The following CDYL variants were observed in gnomAD, a reference collection of about 807,000 sequenced individuals.
The protein encoded by CDYL is chromodomain Y like, also known as chromodomain Y-like protein.
Under a neutral mutation model 47.3 loss-of-function variants are expected in CDYL, and 8 were observed. The ratio of observed to expected loss-of-function variants is 0.17; its 90% CI spans 0.10 to 0.31. CDYL has a LOEUF of 0.31. CDYL is among the 10% of genes least tolerant of loss of function. CDYL has a pLI of 1.00. For synonymous variants in CDYL, 266 were observed against 265.0 expected, an observed-to-expected ratio of 1.00 and a Z score of -0.04; for missense variants, 471 against 701.4, an observed-to-expected ratio of 0.67 and a Z score of 3.71.
chr6:4,950,434 A>T (rs1318429424), intron 5 of CDYL, among the ~76,000 whole-genome samples: 4 of 152,146 alleles, frequency 2.6e-5, no homozygotes, highest in African/African-American at 7.2e-5. Flanking sequence ...ATGAAAGGAA[A>T]ACCCCGACAG....
At chr6:4,858,747 CTG>C (rs1198181033) in intron 1 of CDYL, among the ~76,000 whole-genome samples, 2 of 152,208 alleles carry the variant, frequency 1.3e-5, no homozygotes, top group African/African-American at 4.8e-5. Context: ...GACTATTAGA[CTG>C]TGTGAGTTTG....
At chr6:4,834,329 A>G (rs1475983981) in intron 1 of CDYL, among the ~76,000 whole-genome samples, 4 of 148,938 alleles carry the variant, frequency 2.7e-5, no homozygotes, top group Non-Finnish European at 6.0e-5. Flanking sequence ...TCCTTCACTT[A>G]TGAAGCTTAG....
intron 1 of CDYL, among the ~76,000 whole-genome samples, chr6:4,849,392 A>C (rs972916857): frequency 1.1e-4 from 16 of 152,222 alleles, no homozygotes; most frequent in Middle Eastern, 3.2e-3. Context: ...ATTATCTGAC[A>C]AATGCAAGTG....
chr6:4,831,345 C>T (rs1470286033), intron 1 of CDYL, among the ~76,000 whole-genome samples: 1 of 152,102 alleles, frequency 6.6e-6, no homozygotes, highest in Non-Finnish European at 1.5e-5. Context: ...AATCCTTTCC[C>T]CATTGCTTGT....
chr6:4,895,782 G>A (rs1042394806), intron 2 of CDYL, among the ~76,000 whole-genome samples: 1 of 152,096 alleles, frequency 6.6e-6, no homozygotes, highest in African/African-American at 2.4e-5. Context: ...TTCGCAACAA[G>A]AACCTTCATT....
intron 2 of CDYL, among the ~76,000 whole-genome samples, chr6:4,725,125 C>T (rs1757483316): frequency 1.3e-5 from 2 of 152,210 alleles, no homozygotes; most frequent in African/African-American, 2.4e-5. Context: ...CTGAGCTAGA[C>T]ACAGGGTTTG....
chr6:4,726,531 C>CAAA (rs58148317), intron 2 of CDYL, among the ~76,000 whole-genome samples: 19,071 of 99,940 alleles, frequency 0.19, 1,627 homozygotes, highest in East Asian at 0.29. Flanking sequence ...GACTCTGTCT[C>CAAA]AAAAAAAAAA....
chr6:4,842,435 T>C (rs1190752609), intron 1 of CDYL, among the ~76,000 whole-genome samples: 1 of 151,828 alleles, frequency 6.6e-6, no homozygotes, highest in African/African-American at 2.4e-5. Flanking sequence ...TTGTTTTATA[T>C]GTTTAGGAGC....
At chr6:4,874,042 C>T (rs533992673) in intron 1 of CDYL, among the ~76,000 whole-genome samples, 1 of 152,254 alleles carries the variant, frequency 6.6e-6, no homozygotes, top group Admixed American at 6.5e-5. Flanking sequence ...TTTTGGTGCT[C>T]ATCGTTCAGT....
chr6:4,926,706 C>G (rs533349049), intron 2 of CDYL, among the ~76,000 whole-genome samples: 1 of 152,348 alleles, frequency 6.6e-6, no homozygotes, highest in South Asian at 2.1e-4. Context: ...TTCTATGTCT[C>G]TCTCACCAAT....
Position 4,889,259 on chromosome 6 carries a change from C to G in CDYL, c.25-2454C>G, listed in dbSNP as rs1313302923. ...CTTTTTTTTGAGACGGAGTCTTGCA[C>G]TGTCGCCCAGGCTGGAGTGCAGTGG... On this transcript the variant is annotated intron_variant, in intron 1 of 6. Coordinates refer to ENST00000397588, the MANE Select transcript of CDYL (RefSeq NM_004824.4). 2.0e-5 allele frequency among the ~76,000 whole-genome samples: 3 copies of G among 151,674 alleles called. 1 individual carries two copies. The highest frequency in any genetic ancestry group is 7.3e-5 in the African/African-American group (3 of 41,248).
At chr6:4,943,245 A>G (rs1758413651) in intron 4 of CDYL, among the ~76,000 whole-genome samples, 5 of 152,172 alleles carry the variant, frequency 3.3e-5, no homozygotes, top group Admixed American at 2.0e-4. Context: ...TGTTGTTTAT[A>G]GAGCCCGAGA....
chr6:4,882,558 T>G (rs808625), intron 1 of CDYL, among the ~76,000 whole-genome samples: 15,399 of 152,192 alleles, frequency 0.1, 2,600 homozygotes, highest in African/African-American at 0.35. Flanking sequence ...AATTGTTTCA[T>G]CTGAATGTTG....
chr6:4,744,626 T>G (rs1054190421), intron 3 of CDYL, among the ~76,000 whole-genome samples: 1 of 152,224 alleles, frequency 6.6e-6, no homozygotes, highest in African/African-American at 2.4e-5. Flanking sequence ...TGCCAGGCAG[T>G]GTACTAAATT....
intron 1 of CDYL, among the ~76,000 whole-genome samples, chr6:4,796,164 C>G (rs1759067586): frequency 6.6e-6 from 1 of 152,088 alleles, no homozygotes; most frequent in South Asian, 2.1e-4. Context: ...AACTCGTGAC[C>G]TCATGTGATC....
chr6:4,900,794 T>C (rs1315113324), intron 2 of CDYL, among the ~76,000 whole-genome samples: 1 of 60,412 alleles, frequency 1.7e-5, no homozygotes, highest in African/African-American at 7.1e-5. Flanking sequence ...TATATATATA[T>C]ATATATATAT....
At chr6:4,758,347 A>ATATATATAT (rs1758107536) in intron 3 of CDYL, among the ~76,000 whole-genome samples, 1 of 48,658 alleles carries the variant, frequency 2.1e-5, no homozygotes, top group African/African-American at 6.3e-5. Flanking sequence ...CTTGAAAATA[A>ATATATATAT]ATAAATATAT....
At chr6:4,896,056 C>G (rs1762275214) in intron 2 of CDYL, among the ~76,000 whole-genome samples, 1 of 152,218 alleles carries the variant, frequency 6.6e-6, no homozygotes, top group Admixed American at 6.5e-5. Context: ...TGCCTGGGCG[C>G]TGGTCAGATC....
chr6:4,824,193 A>G (rs955769193), intron 1 of CDYL, among the ~76,000 whole-genome samples: 2 of 152,208 alleles, frequency 1.3e-5, no homozygotes, highest in African/African-American at 4.8e-5. Flanking sequence ...GTACCTTGAT[A>G]ATTCCAGTAT....
Sources: gnomAD v4.1 joint callset for allele counts (sites outside exome capture counted in the v4.1 genomes callset) on GRCh38, gnomAD v4.1.1 for gene constraint, MANE v1.5 for transcripts, NCBI Gene and HGNC (gene_info 2026-07-23, HGNC 2026-07-21) for gene names.